DNAI4: variants seen among roughly 807,000 people sequenced by gnomAD.
The protein encoded by DNAI4 is WD repeat domain 78.
DNAI4 carries 85 observed loss-of-function variants against 105.8 expected under a neutral mutation model. The ratio of observed to expected loss-of-function variants is 0.80; its 90% CI spans 0.67 to 0.96. The LOEUF (loss-of-function observed/expected upper bound fraction) is 0.96, where lower values mean the gene tolerates loss of function less well. Ranked by LOEUF, DNAI4 falls within the 40% of genes least tolerant of loss-of-function variation. The probability of loss-of-function intolerance (pLI) is 0.00; values close to 1 mark genes in which losing one functional copy is unlikely to be tolerated. For missense variants in DNAI4, 1,014 were observed against 1,005.6 expected (o/e 1.01, Z -0.11); for synonymous variants, 352 against 331.5 (o/e 1.06, Z -0.67).
At chr1:66,924,333 GCTAA>G (rs1415338209) in intron 1 of DNAI4, among the ~76,000 whole-genome samples, 7 of 152,292 alleles carry the variant, frequency 4.6e-5, no homozygotes, top group African/African-American at 1.4e-4. Context: ...ACCACGTCCG[GCTAA>G]CTTTTTGTAT....
intron 5 of DNAI4, among the ~76,000 whole-genome samples, chr1:66,873,921 G>A (rs572465314): frequency 1.5e-4 from 19 of 130,324 alleles, no homozygotes; most frequent in African/African-American, 5.7e-4. Flanking sequence ...TTAAAGGTAC[G>A]CTATTCATGA....
At chr1:66,874,130 G>C (rs948158666) in intron 5 of DNAI4, among the ~76,000 whole-genome samples, 1 of 151,710 alleles carries the variant, frequency 6.6e-6, no homozygotes, top group African/African-American at 2.4e-5. Context: ...ATGGAGGAGA[G>C]CGGAACAAGA....
At chr1:66,917,202 G>A (rs1355736321) in intron 1 of DNAI4, among the ~76,000 whole-genome samples, 1 of 152,102 alleles carries the variant, frequency 6.6e-6, no homozygotes, top group East Asian at 1.9e-4. Flanking sequence ...CAAAATGATG[G>A]GAAACTCCTG....
intron 4 of DNAI4, among the ~76,000 whole-genome samples, chr1:66,885,354 C>T (rs1647171101): frequency 6.6e-6 from 1 of 152,180 alleles, no homozygotes; most frequent in Non-Finnish European, 1.5e-5. Flanking sequence ...TTCCACATTT[C>T]TTTCAGAGCT....
intron 16 of DNAI4, among the ~76,000 whole-genome samples, chr1:66,820,877 G>A (rs147010886): frequency 6.6e-6 from 1 of 152,086 alleles, no homozygotes; most frequent in African/African-American, 2.4e-5. Flanking sequence ...TCCTACATGT[G>A]ACCCAGATCT....
At chr1:66,899,498 T>C (rs953756583) in intron 2 of DNAI4, among the ~76,000 whole-genome samples, 1 of 152,250 alleles carries the variant, frequency 6.6e-6, no homozygotes, top group Non-Finnish European at 1.5e-5. Flanking sequence ...ATCAGATATA[T>C]GTTTCACAAA....
intron 2 of DNAI4, among the ~76,000 whole-genome samples, chr1:66,897,686 C>A (rs1648446498): frequency 6.6e-6 from 1 of 152,158 alleles, no homozygotes; most frequent in Non-Finnish European, 1.5e-5. Flanking sequence ...CACAAGTGAC[C>A]CCCATTGGGG....
At chr1:66,888,034 C>T (rs1391323372) in intron 4 of DNAI4, among the ~76,000 whole-genome samples, 1 of 152,022 alleles carries the variant, frequency 6.6e-6, no homozygotes, top group Non-Finnish European at 1.5e-5. Flanking sequence ...TGGTGTGCTA[C>T]TAAGTATCTA....
rs1210397852 is a variant in DNAI4 at position 66,890,774 on chromosome 1, G to T, written c.643+380C>A. On this transcript the variant is annotated intron_variant, in intron 4 of 16. Coordinates refer to ENST00000371026, the MANE Select transcript of DNAI4 (RefSeq NM_024763.5). The surrounding 1 kb of genome is among the most constrained non-coding windows in gnomAD (Gnocchi z 4.1). The stretch of plus-strand genomic sequence containing the variant: ...AGAGGAGGAGGAGGAAGAGGAAGAA[G>T]AGGAAGAGGAGGAAGAAGAAGTGAG... 3.7e-6 allele frequency: 1 copy of T among 272,278 alleles called. No individual in the cohort carries two copies. The highest frequency in any genetic ancestry group is 7.0e-6 in the Non-Finnish European group (1 of 142,888). 16.9% of individuals were successfully genotyped at this position (272,278 alleles called of 1,614,324 possible). A position where few individuals can be genotyped will look rare whatever the true frequency, so the allele number is the denominator to read the frequency against.
intron 10 of DNAI4, among the ~76,000 whole-genome samples, chr1:66,836,266 A>G (rs376458700): frequency 1.4e-3 from 39 of 27,642 alleles, no homozygotes; most frequent in African/African-American, 4.6e-3. Flanking sequence ...GAAAGAAAGA[A>G]AGAAAGAAAG....
In DNAI4 at chr1:66,874,901, A is replaced by G. The variant is rs759855466; in HGVS notation, c.680T>C (p.Val227Ala). Residue 227 changes from valine to alanine, a missense_variant, in exon 5 of 17, where the codon GTA (valine) becomes GCA (alanine). By Grantham distance (64) the Val-to-Ala change is moderately conservative (BLOSUM62 0). Coordinates refer to ENST00000371026, the MANE Select transcript of DNAI4 (RefSeq NM_024763.5). Reference protein sequence around the residue: ...QVIRAAPEKIVTKEDLEKNIE... With the variant: ...QVIRAAPEKIATKEDLEKNIE... Reference sequence around the variant, plus strand: ...ATTCTTCTCCAGGTCTTCTTTTGTTACAATTTTTTCAGGTGCTGCCCTTAT... The same window carrying G: ...ATTCTTCTCCAGGTCTTCTTTTGTTGCAATTTTTTCAGGTGCTGCCCTTAT... 9.3e-6 allele frequency: 15 copies of G among 1,612,040 alleles called. No homozygotes were observed. The highest frequency in any genetic ancestry group is 2.2e-5 in the East Asian group (1 of 44,868).
At chr1:66,829,698 A>G (rs1572603703) in intron 13 of DNAI4, among the ~76,000 whole-genome samples, 1 of 152,312 alleles carries the variant, frequency 6.6e-6, no homozygotes, top group East Asian at 1.9e-4. Flanking sequence ...ATCTTGAACA[A>G]CATTATCAGC....
chr1:66,851,420 T>C (rs762607652), intron 7 of DNAI4, among the ~76,000 whole-genome samples: 1 of 151,946 alleles, frequency 6.6e-6, no homozygotes, highest in Non-Finnish European at 1.5e-5. Flanking sequence ...AGCAAGGGTA[T>C]ATATGAACTC....
At chr1:66,867,308 T>C (rs1404268379) in intron 6 of DNAI4, among the ~76,000 whole-genome samples, 1 of 152,224 alleles carries the variant, frequency 6.6e-6, no homozygotes, top group Admixed American at 6.5e-5. Flanking sequence ...CTGGCACTTG[T>C]TGTTCCCCTT....
chr1:66,879,961 G>A (rs932783414), intron 4 of DNAI4, among the ~76,000 whole-genome samples: 1 of 149,686 alleles, frequency 6.7e-6, no homozygotes, highest in Non-Finnish European at 1.5e-5. Context: ...AACCCAATGG[G>A]AGGTGATTGA....
intron 1 of DNAI4, among the ~76,000 whole-genome samples, chr1:66,908,683 A>G (rs867951183): frequency 2.6e-5 from 4 of 152,232 alleles, no homozygotes; most frequent in South Asian, 4.1e-4. Flanking sequence ...GTGCAGCTAA[A>G]TGAAACTGGA....
chr1:66,818,849 G>GT (rs1175082364), intron 16 of DNAI4, among the ~76,000 whole-genome samples: 1 of 152,118 alleles, frequency 6.6e-6, no homozygotes, highest in Non-Finnish European at 1.5e-5. Context: ...GGAGGCAGAG[G>GT]TTGCAGTGAG....
At chr1:66,840,012 T>G (rs1054905242) in intron 9 of DNAI4, among the ~76,000 whole-genome samples, 5 of 152,214 alleles carry the variant, frequency 3.3e-5, no homozygotes, top group African/African-American at 1.2e-4. Flanking sequence ...ATATCGGTGG[T>G]AACAGTATTT....
At chr1:66,824,544 T>C (rs1259181408) in intron 15 of DNAI4, among the ~76,000 whole-genome samples, 1 of 151,950 alleles carries the variant, frequency 6.6e-6, no homozygotes, top group African/African-American at 2.4e-5. Flanking sequence ...CCCATGAGCA[T>C]GGAATGTTCT....
Sources: gnomAD v4.1 joint callset for allele counts (sites outside exome capture counted in the v4.1 genomes callset) on GRCh38, gnomAD v4.1.1 for gene constraint, Gnocchi (gnomAD v3.1) non-coding constraint, MANE v1.5 for transcripts, NCBI Gene and HGNC (gene_info 2026-07-23, HGNC 2026-07-21) for gene names.